PLCB1: variants seen among roughly 807,000 people sequenced by gnomAD.
PLCB1 encodes 1-phosphatidylinositol 4,5-bisphosphate phosphodiesterase beta-1.
In PLCB1, 46 loss-of-function variants were observed where a neutral mutation model predicts 161.8. That is an observed-to-expected ratio of 0.28 (90% CI 0.22 to 0.36). The LOEUF (loss-of-function observed/expected upper bound fraction) is 0.36. Among genes scored for constraint, PLCB1 ranks in the 10% least tolerant of loss-of-function variants. The pLI is 1.00. For missense variants in PLCB1, 1,016 were observed against 1,472.5 expected (o/e 0.69, Z 5.07); for synonymous variants, 517 against 503.7 (o/e 1.03, Z -0.35).
intron 3 of PLCB1, among the ~76,000 whole-genome samples, chr20:8,530,202 A>T (rs1024812560): frequency 1.9e-4 from 29 of 151,880 alleles, no homozygotes. Flanking sequence ...AGTTTCTTGG[A>T]TTTTTTCTTA....
At chr20:8,710,211 G>A (rs1978922078) in intron 12 of PLCB1, among the ~76,000 whole-genome samples, 1 of 152,148 alleles carries the variant, frequency 6.6e-6, no homozygotes, top group Non-Finnish European at 1.5e-5. Context: ...AAGACAGAGT[G>A]GGAGCAGGTG....
chr20:8,530,679 T>TTGCACTTTTC, intron 3 of PLCB1, among the ~76,000 whole-genome samples: 1 of 152,122 alleles, frequency 6.6e-6, no homozygotes, highest in Admixed American at 6.5e-5. Context: ...AAATAGTACA[T>TTGCACTTTTC]TGCACTTTTC....
At chr20:8,840,903 G>T (rs2146289820) in intron 31 of PLCB1, among the ~76,000 whole-genome samples, 1 of 152,218 alleles carries the variant, frequency 6.6e-6, no homozygotes, top group African/African-American at 2.4e-5. Context: ...TGCAACCTCT[G>T]CCTCCTGGGT....
chr20:8,478,472 A>T (rs1982372806), intron 3 of PLCB1, among the ~76,000 whole-genome samples: 1 of 152,186 alleles, frequency 6.6e-6, no homozygotes, highest in Admixed American at 6.5e-5. Context: ...ATTGAGAGAA[A>T]ACAGCTTCAA....
At position 8,705,680 on chromosome 20, in the gene PLCB1, GA is replaced by G. The variant is rs1167414724; in HGVS notation, c.1168-2989del. 2.6e-5 allele frequency among the ~76,000 whole-genome samples: 4 copies of G among 152,118 alleles called. No homozygotes were observed. In the East Asian group the frequency reaches 7.7e-4, roughly 29 times the overall value. ...ATCATGCTTTAATGTGAGTATTTTT[GA>G]CTGAAGGAACAAAGTGCAAAGATGG... On this transcript the variant is annotated intron_variant, in intron 11 of 31. Transcript: ENST00000338037.
At chr20:8,845,865 A>G (rs6077439) in intron 31 of PLCB1, among the ~76,000 whole-genome samples, 48,546 of 151,964 alleles carry the variant, frequency 0.32, 8,703 homozygotes, top group East Asian at 0.63. Flanking sequence ...TACAATACGC[A>G]TTAAGTACGC....
chr20:8,487,875 C>T (rs537832968), intron 3 of PLCB1, among the ~76,000 whole-genome samples: 8 of 152,176 alleles, frequency 5.3e-5, no homozygotes, highest in Middle Eastern at 3.4e-3. Flanking sequence ...CTTGAGATGC[C>T]GAGTACATTA....
At chr20:8,224,707 A>G (rs1026460417) in intron 2 of PLCB1, among the ~76,000 whole-genome samples, 2 of 152,136 alleles carry the variant, frequency 1.3e-5, no homozygotes, top group African/African-American at 2.4e-5. Flanking sequence ...ACAACCTCAT[A>G]ACCATTGCCT....
intron 2 of PLCB1, among the ~76,000 whole-genome samples, chr20:8,329,320 CTT>C (rs11477930): frequency 7.1e-4 from 99 of 139,414 alleles, no homozygotes; most frequent in Middle Eastern, 3.8e-3. Flanking sequence ...AAAATAAATA[CTT>C]TTTTTTTTTT....
At chr20:8,875,906 T>TA (rs1987764244) in intron 31 of PLCB1, among the ~76,000 whole-genome samples, 1 of 99,848 alleles carries the variant, frequency 1.0e-5, no homozygotes, top group South Asian at 3.9e-4. Flanking sequence ...GGCCTTCACT[T>TA]ATTTTTTTTA....
At chr20:8,524,435 T>C (rs1984500328) in intron 3 of PLCB1, among the ~76,000 whole-genome samples, 1 of 152,148 alleles carries the variant, frequency 6.6e-6, no homozygotes, top group African/African-American at 2.4e-5. Flanking sequence ...AACTTCGTTT[T>C]GCTAATCGGT....
At chr20:8,769,250 T>C (rs1982540559) in intron 26 of PLCB1, among the ~76,000 whole-genome samples, 2 of 152,072 alleles carry the variant, frequency 1.3e-5, no homozygotes, top group South Asian at 2.1e-4. Context: ...CATCAACTCA[T>C]AACATTTTTA....
At chr20:8,505,796 C>T (rs1420902396) in intron 3 of PLCB1, among the ~76,000 whole-genome samples, 1 of 152,168 alleles carries the variant, frequency 6.6e-6, no homozygotes, top group Non-Finnish European at 1.5e-5. Context: ...TATGTCACAT[C>T]TGTTTGGAGA....
intron 3 of PLCB1, among the ~76,000 whole-genome samples, chr20:8,416,519 A>G (rs545762770): frequency 2.6e-5 from 4 of 152,250 alleles, no homozygotes; most frequent in African/African-American, 9.6e-5. Flanking sequence ...ACATTAAGTA[A>G]TTTACTGTCC....
chr20:8,734,492 G>A (rs575249475), intron 19 of PLCB1, among the ~76,000 whole-genome samples: 1 of 151,730 alleles, frequency 6.6e-6, no homozygotes, highest in African/African-American at 2.4e-5. Context: ...ACATATTAAT[G>A]ATCATTAAAT....
At chr20:8,138,342 C>G (rs1175225829) in intron 1 of PLCB1, among the ~76,000 whole-genome samples, 3 of 152,200 alleles carry the variant, frequency 2.0e-5, no homozygotes, top group Admixed American at 6.5e-5. Context: ...TAAATGTTTC[C>G]TTATCAGAAT....
At chr20:8,151,619 G>T (rs1168346055) in intron 2 of PLCB1, among the ~76,000 whole-genome samples, 1 of 152,146 alleles carries the variant, frequency 6.6e-6, no homozygotes, top group African/African-American at 2.4e-5. Context: ...TAGACATTCT[G>T]TTTGGTTTCC....
At chr20:8,577,122 A>G (rs2123067219) in intron 3 of PLCB1, among the ~76,000 whole-genome samples, 1 of 152,200 alleles carries the variant, frequency 6.6e-6, no homozygotes, top group East Asian at 1.9e-4. Context: ...GACATACAAA[A>G]GATAAATACT....
chr20:8,177,685 C>CT (rs1373338538), intron 2 of PLCB1, among the ~76,000 whole-genome samples: 6 of 151,920 alleles, frequency 3.9e-5, no homozygotes, highest in African/African-American at 1.5e-4. Flanking sequence ...TGTGATTCAG[C>CT]TTTTTAAAAA....
Sources: allele counts gnomAD v4.1 joint callset (sites outside exome capture counted in the v4.1 genomes callset), GRCh38; gene constraint gnomAD v4.1.1; transcripts MANE v1.5; gene names NCBI Gene and HGNC (gene_info 2026-07-23, HGNC 2026-07-21).